MDGA2: variants seen among roughly 807,000 people sequenced by gnomAD.
MDGA2 encodes the protein MAM domain containing glycosylphosphatidylinositol anchor 2, also known as MAM domain-containing glycosylphosphatidylinositol anchor protein 2.
In MDGA2, 40 loss-of-function variants were observed where a neutral mutation model predicts 117.8. The ratio of observed to expected loss-of-function variants is 0.34; its 90% CI spans 0.26 to 0.44. MDGA2 has a LOEUF of 0.44. MDGA2 is among the 20% of genes least tolerant of loss of function. The pLI is 1.00. For missense variants in MDGA2, 1,123 were observed against 1,250.6 expected (o/e 0.90, Z 1.54); for synonymous variants, 452 against 439.0 (o/e 1.03, Z -0.37).
intron 1 of MDGA2, among the ~76,000 whole-genome samples, chr14:47,495,323 C>G (rs562845518): frequency 1.3e-5 from 2 of 151,730 alleles, no homozygotes; most frequent in East Asian, 3.9e-4. Context: ...TTATTTGGTA[C>G]AATGTACACT....
intron 1 of MDGA2, among the ~76,000 whole-genome samples, chr14:47,311,285 T>C (rs1889625855): frequency 6.6e-6 from 1 of 152,178 alleles, no homozygotes; most frequent in African/African-American, 2.4e-5. Context: ...GAGACGTTAT[T>C]TCTTCCAGCC....
chr14:47,600,328 A>T (rs1896624188), intron 1 of MDGA2, among the ~76,000 whole-genome samples: 1 of 151,822 alleles, frequency 6.6e-6, no homozygotes, highest in Non-Finnish European at 1.5e-5. Flanking sequence ...CAGCTACTAG[A>T]GAGGCTGAGG....
intron 5 of MDGA2, among the ~76,000 whole-genome samples, chr14:47,097,578 T>C (rs1481204419): frequency 6.6e-6 from 1 of 152,050 alleles, no homozygotes; most frequent in African/African-American, 2.4e-5. Context: ...ATTTTTGCAA[T>C]CTGAATACAA....
chr14:47,521,962 G>A (rs778800301), intron 1 of MDGA2, among the ~76,000 whole-genome samples: 1 of 152,150 alleles, frequency 6.6e-6, no homozygotes, highest in East Asian at 1.9e-4. Context: ...GTGAACCACC[G>A]CACCCAGCCC....
At chr14:46,910,202 C>G (rs1003576801) in intron 10 of MDGA2, among the ~76,000 whole-genome samples, 39 of 150,690 alleles carry the variant, frequency 2.6e-4, no homozygotes, top group African/African-American at 9.4e-4. Flanking sequence ...TGTTTTCATC[C>G]CTGCCTTTTT....
intron 2 of MDGA2, among the ~76,000 whole-genome samples, chr14:47,265,019 T>C (rs529928247): frequency 7.0e-4 from 107 of 152,242 alleles, no homozygotes; most frequent in African/African-American, 2.2e-3. Context: ...GTTTAACAAG[T>C]AGCTCTCTAA....
intron 3 of MDGA2, among the ~76,000 whole-genome samples, chr14:47,174,085 C>G (rs1884317574): frequency 6.6e-6 from 1 of 152,286 alleles, no homozygotes; most frequent in South Asian, 2.1e-4. Context: ...ATCGATTCAA[C>G]AAGAAGAGGT....
Position 47,569,862 on chromosome 14 carries a change from C to T in MDGA2, c.280+104655G>A, listed in dbSNP as rs1322608992. On this transcript the variant is annotated intron_variant, in intron 1 of 16. Coordinates refer to ENST00000399232, the MANE Select transcript of MDGA2 (RefSeq NM_001113498.3). ...TAATGTTTTAATTTCAAAAAGGTCA[C>T]TTTTAAAGAAAGGTTCATCTTAAGC... Among the ~76,000 whole-genome samples the T allele has an allele frequency of 3.3e-5, 5 of 152,280 alleles. No homozygotes were observed. In the South Asian group the frequency reaches 6.2e-4, roughly 19 times the overall value.
At chr14:47,175,549 C>T (rs945827175) in intron 3 of MDGA2, among the ~76,000 whole-genome samples, 19 of 151,722 alleles carry the variant, frequency 1.3e-4, no homozygotes, top group African/African-American at 4.4e-4. Context: ...AGACAAAAAC[C>T]ACATGATTAT....
chr14:47,048,725 T>C (rs1889350606), intron 7 of MDGA2, among the ~76,000 whole-genome samples: 1 of 152,036 alleles, frequency 6.6e-6, no homozygotes, highest in Non-Finnish European at 1.5e-5. Context: ...CATCAACAGA[T>C]CAGGGTCACA....
intron 1 of MDGA2, among the ~76,000 whole-genome samples, chr14:47,589,371 A>G (rs910826893): frequency 2.0e-5 from 3 of 151,982 alleles, no homozygotes; most frequent in Admixed American, 6.6e-5. Flanking sequence ...GGTGTAAAGG[A>G]CAAGTCCAAT....
intron 10 of MDGA2, among the ~76,000 whole-genome samples, chr14:46,906,748 G>C (rs1437107391): frequency 6.6e-6 from 1 of 151,940 alleles, no homozygotes; most frequent in Non-Finnish European, 1.5e-5. Flanking sequence ...CCACAGTCTA[G>C]ACTAGTATTT....
intron 3 of MDGA2, among the ~76,000 whole-genome samples, chr14:47,208,475 C>G (rs1022636969): frequency 6.6e-6 from 1 of 151,372 alleles, no homozygotes; most frequent in Non-Finnish European, 1.5e-5. Flanking sequence ...TTTTTATATT[C>G]AAACCATTTT....
intron 2 of MDGA2, among the ~76,000 whole-genome samples, chr14:47,248,489 C>A (rs1887325183): frequency 6.6e-6 from 1 of 151,558 alleles, no homozygotes; most frequent in African/African-American, 2.4e-5. Flanking sequence ...ATAATTTAGA[C>A]AGGGCAAAGC....
At chr14:47,578,018 C>A (rs1896148016) in intron 1 of MDGA2, among the ~76,000 whole-genome samples, 1 of 152,114 alleles carries the variant, frequency 6.6e-6, no homozygotes, top group Admixed American at 6.6e-5. Context: ...AGAACCCACC[C>A]AAATGTCCAT....
At chr14:47,306,456 T>C (rs1375314228) in intron 1 of MDGA2, among the ~76,000 whole-genome samples, 1 of 152,130 alleles carries the variant, frequency 6.6e-6, no homozygotes, top group African/African-American at 2.4e-5. Context: ...GTAATGGCGA[T>C]GCTTCCTGAA....
chr14:46,941,483 ACACT>A (rs1884998618), intron 9 of MDGA2, among the ~76,000 whole-genome samples: 1 of 152,142 alleles, frequency 6.6e-6, no homozygotes, highest in Admixed American at 6.5e-5. Context: ...CCCTTGGAAC[ACACT>A]CTGCACTGTT....
At chr14:47,637,071 A>C (rs2138236556) in intron 1 of MDGA2, among the ~76,000 whole-genome samples, 1 of 152,314 alleles carries the variant, frequency 6.6e-6, no homozygotes, top group East Asian at 1.9e-4. Context: ...CATAATAAAT[A>C]TGTACACCCC....
intron 1 of MDGA2, among the ~76,000 whole-genome samples, chr14:47,624,237 C>A (rs989843220): frequency 1.3e-5 from 2 of 152,190 alleles, no homozygotes; most frequent in African/African-American, 4.8e-5. Context: ...GCGGGCGGAT[C>A]ACCTGAGGTC....
Sources: gnomAD v4.1 joint callset for allele counts (sites outside exome capture counted in the v4.1 genomes callset) on GRCh38, gnomAD v4.1.1 for gene constraint, MANE v1.5 for transcripts, NCBI Gene and HGNC (gene_info 2026-07-23, HGNC 2026-07-21) for gene names.